The following ADAMTSL3 variants were observed in gnomAD, a reference collection of about 807,000 sequenced individuals.
The protein encoded by ADAMTSL3 is ADAMTS like 3, also known as ADAMTS-like protein 3.
Under a neutral mutation model 201.7 loss-of-function variants are expected in ADAMTSL3, and 128 were observed. The observed-to-expected ratio is 0.63, with a 90% CI of 0.55 to 0.73. The LOEUF (loss-of-function observed/expected upper bound fraction) is 0.73. Ranked by LOEUF, ADAMTSL3 falls within the 30% of genes least tolerant of loss-of-function variation. ADAMTSL3 has a pLI of 0.00. For synonymous variants in ADAMTSL3, 738 were observed against 748.4 expected, an observed-to-expected ratio of 0.99 and a Z score of 0.23; for missense variants, 1,990 against 2,119.6, an observed-to-expected ratio of 0.94 and a Z score of 1.20.
intron 3 of ADAMTSL3, chr15:83,717,479 C>A (rs1245521105): frequency 6.6e-6 from 1 of 152,116 alleles, no homozygotes; most frequent in African/African-American, 2.4e-5. Context: ...AGAAGATTAG[C>A]ATGGCCTCTG....
intron 4 of ADAMTSL3, among the ~76,000 whole-genome samples, chr15:83,798,362 T>C (rs1014969448): frequency 6.6e-6 from 1 of 152,242 alleles, no homozygotes; most frequent in Non-Finnish European, 1.5e-5. Flanking sequence ...TGTGTATATA[T>C]GTATTTGTGC....
At chr15:83,679,099 G>C (rs144606926) in intron 2 of ADAMTSL3, among the ~76,000 whole-genome samples, 4 of 151,388 alleles carry the variant, frequency 2.6e-5, no homozygotes, top group Non-Finnish European at 4.4e-5. Context: ...TGTCATCTCA[G>C]TGTGCTAAAA....
intron 3 of ADAMTSL3, among the ~76,000 whole-genome samples, chr15:83,735,431 G>A (rs59198904): frequency 6.6e-6 from 1 of 152,122 alleles, no homozygotes; most frequent in Non-Finnish European, 1.5e-5. Context: ...TAAGAAAGTA[G>A]CCTTAGCCCA....
chr15:83,897,888 T>TA lies in ADAMTSL3; in HGVS notation c.1499dup (p.Tyr500Ter), dbSNP rs2065648966. 5.0e-6 allele frequency: 8 copies of TA among 1,612,344 alleles called. No individual in the cohort carries two copies. Among genetic ancestry groups the TA allele is most frequent in the Non-Finnish European group, 5.9e-6 (7 of 1,178,954 alleles). ...CTVTCGRGLR[Y>*]RVVLCINHRG... The stretch of plus-strand genomic sequence containing the variant: ...AGTGACTTGTGGCCGAGGGTTACGG[T>TA]ACCGGGTTGTTCTGTGTATTAACCA... The change falls in exon 14 of 30, where the codon TAC (tyrosine) becomes TAAC (stop). Residue 500 changes from tyrosine to a stop codon, truncating the protein, a stop_gained and frameshift_variant. Transcript: ENST00000286744. LOFTEE classifies it high-confidence loss of function.
At chr15:83,932,880 A>G (rs188619829) in intron 17 of ADAMTSL3, among the ~76,000 whole-genome samples, 3 of 152,364 alleles carry the variant, frequency 2.0e-5, no homozygotes, top group Non-Finnish European at 2.9e-5. Flanking sequence ...TACACAGAGC[A>G]TCGTAAATTG....
At chr15:83,789,361 G>A (rs59974280) in intron 4 of ADAMTSL3, among the ~76,000 whole-genome samples, 5,579 of 152,180 alleles carry the variant, frequency 0.037, 301 homozygotes, top group African/African-American at 0.13. Flanking sequence ...CTGAGAGTAT[G>A]AATAGACATT....
chr15:84,039,099 A>G lies in ADAMTSL3; in HGVS notation c.*1293A>G, dbSNP rs2135551. Reference sequence around the variant, plus strand: ...TGTAAGTTCTGAAGCTGATTTGGTTATGGGGTCTTTCCCCTGTATACTACC... The same window carrying G: ...TGTAAGTTCTGAAGCTGATTTGGTTGTGGGGTCTTTCCCCTGTATACTACC... On this transcript the variant is annotated 3_prime_UTR_variant, in exon 30 of 30. Transcript: ENST00000286744. 29,696 of 152,370 alleles carry G rather than the reference A, an allele frequency of 0.19. 3,730 individuals carry two copies. The highest frequency in any genetic ancestry group is 0.37 in the Middle Eastern group (109 of 294). The allele number at this position is 152,370 out of a possible 1,614,324, so 9.4% of individuals were successfully genotyped here. A position where few individuals can be genotyped will look rare whatever the true frequency, so the allele number is the denominator to read the frequency against.
At chr15:83,984,233 T>C (rs2067437000) in intron 21 of ADAMTSL3, among the ~76,000 whole-genome samples, 1 of 152,220 alleles carries the variant, frequency 6.6e-6, no homozygotes. Context: ...TTAGAGATCG[T>C]TAAGAGACAC....
chr15:83,951,984 G>A (rs1022376584), intron 19 of ADAMTSL3, among the ~76,000 whole-genome samples: 6 of 151,696 alleles, frequency 4.0e-5, no homozygotes, highest in African/African-American at 9.7e-5. Flanking sequence ...CGTTTGTATC[G>A]TATTTCTTCT....
chr15:83,716,608 TTGTG>T (rs142230336), intron 3 of ADAMTSL3, among the ~76,000 whole-genome samples: 28 of 150,766 alleles, frequency 1.9e-4, no homozygotes, highest in South Asian at 4.2e-4. Flanking sequence ...CTTTATTTCT[TTGTG>T]TGTGTGTGTG....
intron 3 of ADAMTSL3, among the ~76,000 whole-genome samples, chr15:83,712,247 T>C (rs1452893578): frequency 6.6e-6 from 1 of 152,240 alleles, no homozygotes; most frequent in Non-Finnish European, 1.5e-5. Flanking sequence ...CCTCCTGTTT[T>C]ATCCTTTGTT....
At chr15:83,672,652 A>G (rs1348112824) in intron 2 of ADAMTSL3, among the ~76,000 whole-genome samples, 1 of 152,220 alleles carries the variant, frequency 6.6e-6, no homozygotes, top group African/African-American at 2.4e-5. Context: ...GGCAGATGAA[A>G]CAAGTCCAAC....
chr15:84,037,946 C>A lies in ADAMTSL3; in HGVS notation c.*140C>A. 1 of 1,283,064 alleles carries A rather than the reference C, an allele frequency of 7.8e-7. No individual in the cohort carries two copies. Among genetic ancestry groups the A allele is most frequent in the Non-Finnish European group, 1.0e-6 (1 of 969,022 alleles). 79.5% of individuals were successfully genotyped at this position (1,283,064 alleles called of 1,614,324 possible). On this transcript the variant is annotated 3_prime_UTR_variant, in exon 30 of 30. Coordinates refer to ENST00000286744, the MANE Select transcript of ADAMTSL3 (RefSeq NM_207517.3). The stretch of plus-strand genomic sequence containing the variant: ...CAAACAGAGGTTGATGCAAAAACAC[C>A]ACTGTTAAGGTGTAAAGTGAAATTT...
chr15:83,923,878 C>T (rs767200000), intron 16 of ADAMTSL3, 26 bp from the exon 17 acceptor site: 1 of 1,612,356 alleles, frequency 6.2e-7, no homozygotes, highest in Non-Finnish European at 8.5e-7. Context: ...ATGTCATTTG[C>T]ATTTTTTCCT....
intron 3 of ADAMTSL3, among the ~76,000 whole-genome samples, chr15:83,767,981 C>T (rs1261505313): frequency 6.6e-6 from 1 of 152,106 alleles, no homozygotes; most frequent in African/African-American, 2.4e-5. Context: ...AGCACAGTGG[C>T]TCGTAGATAG....
chr15:83,769,788 T>G (rs2062949845), intron 3 of ADAMTSL3, among the ~76,000 whole-genome samples: 1 of 146,946 alleles, frequency 6.8e-6, no homozygotes, highest in South Asian at 2.1e-4. Flanking sequence ...TAATTTTTCT[T>G]TTTTTTTTTT....
intron 23 of ADAMTSL3, among the ~76,000 whole-genome samples, chr15:84,000,705 A>C (rs1028979180): frequency 6.6e-6 from 1 of 152,264 alleles, no homozygotes; most frequent in African/African-American, 2.4e-5. Context: ...TTTATTAAAA[A>C]GATGAATTGC....
In ADAMTSL3 at chr15:83,688,713, C is replaced by G. The variant is rs139087534; in HGVS notation, c.70-15676C>G. On this transcript the variant is annotated intron_variant, in intron 2 of 29. Coordinates refer to ENST00000286744, the MANE Select transcript of ADAMTSL3 (RefSeq NM_207517.3). The stretch of plus-strand genomic sequence containing the variant: ...ATAATTCACCACTTTCTCATTGATA[C>G]AAAAAAAACTATCTAGTGTTAAGTA... 2.6e-4 allele frequency among the ~76,000 whole-genome samples: 39 copies of G among 148,052 alleles called. No individual in the cohort carries two copies. The East Asian group carries it at 7.0e-3, about 27-fold the overall frequency.
Position 83,804,701 on chromosome 15 carries a change from T to G in ADAMTSL3, c.363+6T>G. ...ACAAGACATGCAGCAATCATGTAAGTCATAAAATAAAATTATTTTATCCAA... is the reference window on the plus strand; with the variant it reads ...ACAAGACATGCAGCAATCATGTAAGGCATAAAATAAAATTATTTTATCCAA... On this transcript the variant is annotated splice_donor_region_variant and intron_variant, in intron 5 of 29. Coordinates refer to ENST00000286744, the MANE Select transcript of ADAMTSL3 (RefSeq NM_207517.3). 6.3e-7 allele frequency: 1 copy of G among 1,577,234 alleles called. No homozygotes were observed. Among genetic ancestry groups the G allele is most frequent in the Non-Finnish European group, 8.6e-7 (1 of 1,162,736 alleles).
Sources: gnomAD v4.1 joint callset for allele counts (sites outside exome capture counted in the v4.1 genomes callset) on GRCh38, gnomAD v4.1.1 for gene constraint, MANE v1.5 for transcripts, NCBI Gene and HGNC (gene_info 2026-07-23, HGNC 2026-07-21) for gene names.